Variants in TINAG observed in about 807,000 individuals in gnomAD.
TINAG encodes tubulointerstitial nephritis antigen.
In TINAG, 83 loss-of-function variants were observed where a neutral mutation model predicts 72.7. The ratio of observed to expected loss-of-function variants is 1.14; its 90% CI spans 0.96 to 1.37. The LOEUF (loss-of-function observed/expected upper bound fraction) is 1.37, where lower values mean the gene tolerates loss of function less well. Ranked by LOEUF, TINAG falls within the 40% of genes most tolerant of loss-of-function variation. The probability of loss-of-function intolerance (pLI) is 0.00; values close to 1 mark genes in which losing one functional copy is unlikely to be tolerated. For missense variants in TINAG, 685 were observed against 576.6 expected, an observed-to-expected ratio of 1.19 and a Z score of -1.93; for synonymous variants, 234 against 189.9, an observed-to-expected ratio of 1.23 and a Z score of -1.91.
chr6:54,331,956 G>A (rs1378227101), intron 4 of TINAG, among the ~76,000 whole-genome samples: 2 of 152,072 alleles, frequency 1.3e-5, no homozygotes, highest in Non-Finnish European at 1.5e-5. Context: ...AAGAAAATAA[G>A]AGAAGACATA....
chr6:54,334,241 G>A (rs527647429), intron 4 of TINAG, among the ~76,000 whole-genome samples: 60 of 152,318 alleles, frequency 3.9e-4, no homozygotes, highest in African/African-American at 1.4e-3. Context: ...GGCTGCTGGA[G>A]TGTAGCCTCT....
At chr6:54,322,660 G>A (rs1784519862) in intron 3 of TINAG, among the ~76,000 whole-genome samples, 1 of 152,052 alleles carries the variant, frequency 6.6e-6, no homozygotes, top group Non-Finnish European at 1.5e-5. Flanking sequence ...TTTTTTCTTG[G>A]AACATACAAA....
At chr6:54,309,844 CA>C (rs58742359) in intron 1 of TINAG, among the ~76,000 whole-genome samples, 24,635 of 141,084 alleles carry the variant, frequency 0.17, 3,509 homozygotes, top group African/African-American at 0.4. Flanking sequence ...AAGACTGTGT[CA>C]AAAAAAAAAA....
chr6:54,366,249 C>CGT (rs1489993871), intron 9 of TINAG, among the ~76,000 whole-genome samples: 1 of 140,006 alleles, frequency 7.1e-6, no homozygotes, highest in Non-Finnish European at 1.5e-5. Flanking sequence ...CGTACACGTA[C>CGT]GTGTATGTGT....
At position 54,334,433 on chromosome 6, in the gene TINAG, AG is replaced by A. The variant is rs80012646; in HGVS notation, c.624+7518del. Among the ~76,000 whole-genome samples the A allele has an allele frequency of 9.4e-3, 1,437 of 152,360 alleles. 37 individuals carry two copies. Among genetic ancestry groups the A allele is most frequent in the East Asian group, 0.063 (325 of 5,186 alleles). Reference sequence around the variant, plus strand: ...TTATTGTTCCAATTCAAATTCCAGTAGCAGGGCCTTCTAAATTATAACTAGT... The same window carrying A: ...TTATTGTTCCAATTCAAATTCCAGTACAGGGCCTTCTAAATTATAACTAGT... On this transcript the variant is annotated intron_variant, in intron 4 of 10. Transcript: ENST00000259782.
intron 8 of TINAG, among the ~76,000 whole-genome samples, chr6:54,353,246 A>T (rs553105600): frequency 2.6e-4 from 40 of 151,958 alleles, no homozygotes; most frequent in African/African-American, 9.4e-4. Flanking sequence ...GGAAAGTTGA[A>T]TCATAAGACC....
intron 9 of TINAG, among the ~76,000 whole-genome samples, chr6:54,371,981 G>GTTTTTTTTTTTTTT (rs576340253): frequency 5.6e-5 from 4 of 71,434 alleles, no homozygotes; most frequent in African/African-American, 2.0e-4. Context: ...TTCAAGTCAT[G>GTTTTTTTTTTTTTT]TTTTTTTTTT....
chr6:54,358,781 G>T (rs1763140355), intron 9 of TINAG, among the ~76,000 whole-genome samples: 1 of 151,742 alleles, frequency 6.6e-6, no homozygotes, highest in Admixed American at 6.6e-5. Context: ...ACCCCTGAAG[G>T]GCTGGCCTGG....
At chr6:54,366,510 T>A (rs1380496565) in intron 9 of TINAG, among the ~76,000 whole-genome samples, 3 of 151,328 alleles carry the variant, frequency 2.0e-5, no homozygotes, top group Non-Finnish European at 4.4e-5. Flanking sequence ...ACATAATACA[T>A]GTCAAGTACC....
At chr6:54,345,826 A>G (rs1317991738) in intron 5 of TINAG, among the ~76,000 whole-genome samples, 2 of 152,126 alleles carry the variant, frequency 1.3e-5, no homozygotes, top group African/African-American at 4.8e-5. Flanking sequence ...CTGTAGTTAC[A>G]TTAAAAATAT....
At chr6:54,364,763 T>A (rs994079287) in intron 9 of TINAG, among the ~76,000 whole-genome samples, 4 of 151,294 alleles carry the variant, frequency 2.6e-5, no homozygotes, top group Non-Finnish European at 5.9e-5. Context: ...ACCATTGATA[T>A]CTCTATATCT....
chr6:54,364,332 A>G (rs1251983030), intron 9 of TINAG, among the ~76,000 whole-genome samples: 1 of 151,514 alleles, frequency 6.6e-6, no homozygotes, highest in Admixed American at 6.6e-5. Context: ...TCAGAAACGA[A>G]AAAAGGGTTT....
At chr6:54,316,495 C>A (rs1582694367) in intron 1 of TINAG, among the ~76,000 whole-genome samples, 3 of 152,168 alleles carry the variant, frequency 2.0e-5, no homozygotes, top group Admixed American at 6.6e-5. Flanking sequence ...GCAGCCGTTT[C>A]TCCAAAGCCT....
At chr6:54,368,723 T>G (rs952551038) in intron 9 of TINAG, among the ~76,000 whole-genome samples, 1 of 151,542 alleles carries the variant, frequency 6.6e-6, no homozygotes, top group African/African-American at 2.4e-5. Flanking sequence ...TTCTTGTTTA[T>G]TTTTCCAAGT....
At chr6:54,370,555 T>C (rs1175047440) in intron 9 of TINAG, among the ~76,000 whole-genome samples, 1 of 152,248 alleles carries the variant, frequency 6.6e-6, no homozygotes, top group South Asian at 2.1e-4. Flanking sequence ...CCAGGCATCC[T>C]GCTAGTGCTG....
intron 9 of TINAG, among the ~76,000 whole-genome samples, chr6:54,376,975 A>T (rs1437784994): frequency 6.6e-6 from 1 of 152,150 alleles, no homozygotes; most frequent in Non-Finnish European, 1.5e-5. Context: ...TAGATGGGCT[A>T]AGAGCTGCCC....
chr6:54,346,086 C>T (rs1305893645), intron 5 of TINAG, among the ~76,000 whole-genome samples: 3 of 151,916 alleles, frequency 2.0e-5, no homozygotes, highest in African/African-American at 7.2e-5. Flanking sequence ...TCCAGATATT[C>T]AATAAAAAAG....
chr6:54,384,956 A>G (rs539322517), intron 10 of TINAG, among the ~76,000 whole-genome samples: 2 of 152,304 alleles, frequency 1.3e-5, no homozygotes, highest in South Asian at 4.1e-4. Flanking sequence ...TGTTCAATAA[A>G]TTTAAAAAAT....
intron 9 of TINAG, among the ~76,000 whole-genome samples, chr6:54,372,202 G>A (rs1056744717): frequency 6.6e-6 from 1 of 151,774 alleles, no homozygotes; most frequent in African/African-American, 2.4e-5. Context: ...ATGTTGGCCA[G>A]GCTGATCTCG....
Sources: gnomAD v4.1 joint callset for allele counts (sites outside exome capture counted in the v4.1 genomes callset) on GRCh38, gnomAD v4.1.1 for gene constraint, MANE v1.5 for transcripts, NCBI Gene and HGNC (gene_info 2026-07-23, HGNC 2026-07-21) for gene names.